DEXI: variants seen among roughly 807,000 people sequenced by gnomAD.
DEXI encodes dexamethasone-induced protein.
A neutral mutation model predicts 2.5 loss-of-function variants in DEXI; 2 were observed. That is an observed-to-expected ratio of 0.81 (90% CI 0.33 to 2.55). The LOEUF (loss-of-function observed/expected upper bound fraction) is 2.55. Among genes scored for constraint, DEXI ranks in the 30% most tolerant of loss-of-function variants. DEXI has a pLI of 0.11. For synonymous variants in DEXI, 71 were observed against 68.7 expected (o/e 1.03, Z -0.17); for missense variants, 108 against 130.3 (o/e 0.83, Z 0.83).
At chr16:10,931,596 C>G (rs1460969003) in intron 1 of DEXI, 1 of 152,234 alleles carries the variant, frequency 6.6e-6, no homozygotes, top group African/African-American at 2.4e-5. Flanking sequence ...GTAATCCCAA[C>G]ACTTTGGGAG....
Position 10,937,796 on chromosome 16 carries a change from C to T in DEXI, c.*149+3773G>A, listed in dbSNP as rs2041049633. ...GAGGGAGCTCCCGATTCCCCATTCC[C>T]TGCTCCTGGGCAACAATTAACACTC... On this transcript the variant is annotated intron_variant, in intron 1 of 1. Coordinates refer to ENST00000331808, the MANE Select transcript of DEXI (RefSeq NM_014015.4). This position sits in a 1 kb window ranked among gnomAD's most constrained non-coding sequence, Gnocchi z 4.2. 2 of 152,272 alleles carry T rather than the reference C, an allele frequency of 1.3e-5. No homozygotes were observed. The highest frequency in any genetic ancestry group is 2.4e-5 in the African/African-American group (1 of 41,462). The allele number at this position is 152,272 out of a possible 1,614,324, so 9.4% of individuals were successfully genotyped here.
At chr16:10,935,104 C>T (rs906857274) in intron 1 of DEXI, 8 of 152,246 alleles carry the variant, frequency 5.3e-5, no homozygotes, top group African/African-American at 1.9e-4. Flanking sequence ...TACTATTATC[C>T]CTGTTTTACA....
At chr16:10,935,988 A>AT (rs36044639) in intron 1 of DEXI, 65,613 of 145,776 alleles carry the variant, frequency 0.45, 16,208 homozygotes, top group East Asian at 0.66. Flanking sequence ...TACTGGGACA[A>AT]TTTTTTTTTT....
Position 10,940,626 on chromosome 16 carries a change from C to G in DEXI, c.*149+943G>C, listed in dbSNP as rs1335665543. On this transcript the variant is annotated intron_variant, in intron 1 of 1. Transcript: ENST00000331808. This position sits in a 1 kb window ranked among gnomAD's most constrained non-coding sequence, Gnocchi z 4.2. ...CTCACCAGACCTGGCAGCTGCCTGACAGCTTGTCTGGCTCACGTGTTCTCT... is the reference window on the plus strand; with the variant it reads ...CTCACCAGACCTGGCAGCTGCCTGAGAGCTTGTCTGGCTCACGTGTTCTCT... The G allele has an allele frequency of 6.6e-6, 1 of 152,532 alleles. No homozygotes were observed. Among genetic ancestry groups the G allele is most frequent in the Non-Finnish European group, 1.5e-5 (1 of 68,294 alleles). The allele number at this position is 152,532 out of a possible 1,614,324, so 9.4% of individuals were successfully genotyped here. A position where few individuals can be genotyped will look rare whatever the true frequency, so the allele number is the denominator to read the frequency against.
At chr16:10,935,920 G>T (rs1040811594) in intron 1 of DEXI, 2 of 152,102 alleles carry the variant, frequency 1.3e-5, no homozygotes, top group Non-Finnish European at 2.9e-5. Flanking sequence ...TAATGCAAAA[G>T]CTGATCTGGG....
At chr16:10,933,636 G>A (rs941212813) in intron 1 of DEXI, 3 of 152,268 alleles carry the variant, frequency 2.0e-5, no homozygotes, top group Admixed American at 2.0e-4. Context: ...AGTACAGGGT[G>A]GTTCCTTCCC....
rs780594681 is a variant in DEXI, at chr16:10,941,964, G to A, written c.42C>T (p.Gly14=). The A allele has an allele frequency of 1.3e-6, 2 of 1,560,090 alleles. No individual in the cohort carries two copies. The highest frequency in any genetic ancestry group is 1.9e-5 in the Admixed American group (1 of 51,666). The change falls in exon 1 of 2, where the codon GGC becomes GGT. Residue 14 remains glycine (G), a synonymous_variant. Transcript: ENST00000331808. The surrounding 1 kb of genome is among the most constrained non-coding windows in gnomAD (Gnocchi z 6.4). ...ARVAAHLDAL[G]PLVPYVPPPL... Reference sequence around the variant, plus strand: ...GCGGCGGCACGTAGGGGACCAGGGGGCCCAGTGCGTCCAGGTGGGCCGCGA... The same window carrying A: ...GCGGCGGCACGTAGGGGACCAGGGGACCCAGTGCGTCCAGGTGGGCCGCGA...
chr16:10,941,592 C>G lies in DEXI; in HGVS notation c.*126G>C. 6.8e-7 allele frequency: 1 copy of G among 1,472,728 alleles called. No individual in the cohort carries two copies. Among genetic ancestry groups the G allele is most frequent in the Non-Finnish European group, 9.0e-7 (1 of 1,112,418 alleles). 91.2% of individuals were successfully genotyped at this position (1,472,728 alleles called of 1,614,324 possible). A position where few individuals can be genotyped will look rare whatever the true frequency, so the allele number is the denominator to read the frequency against. On this transcript the variant is annotated 3_prime_UTR_variant, in exon 1 of 2. Transcript: ENST00000331808. This position sits in a 1 kb window ranked among gnomAD's most constrained non-coding sequence, Gnocchi z 6.4. ...ACAGGCCTCGGAGGCAGGGGAGGGT[C>G]TCCTCCTGGGGAACCATCCCCGTCC...
At chr16:10,936,496 A>G (rs2041025635) in intron 1 of DEXI, 1 of 152,254 alleles carries the variant, frequency 6.6e-6, no homozygotes. Flanking sequence ...AAGAGCATGC[A>G]CGTGTACATG....
Position 10,929,057 on chromosome 16 carries a change from T to C in DEXI, c.*652A>G. The C allele has an allele frequency of 3.5e-6, 1 of 288,084 alleles. No homozygotes were observed. The highest frequency in any genetic ancestry group is 5.2e-6 in the Non-Finnish European group (1 of 192,130). The allele number at this position is 288,084 out of a possible 1,614,324, so 17.8% of individuals were successfully genotyped here. On this transcript the variant is annotated 3_prime_UTR_variant, in exon 2 of 2. Coordinates refer to ENST00000331808, the MANE Select transcript of DEXI (RefSeq NM_014015.4). The surrounding 1 kb of genome is among the most constrained non-coding windows in gnomAD (Gnocchi z 4.3). Reference sequence around the variant, plus strand: ...CAGCATGATGTCTGTTTTGCCAACTTGCTGAAGAACGAGTAACCTGAAATG... The same window carrying C: ...CAGCATGATGTCTGTTTTGCCAACTCGCTGAAGAACGAGTAACCTGAAATG...
Position 10,942,124 on chromosome 16 carries a change from C to T in DEXI, c.-119G>A, listed in dbSNP as rs973393613. 1.4e-5 allele frequency: 10 copies of T among 717,998 alleles called. No individual in the cohort carries two copies. Among genetic ancestry groups the T allele is most frequent in the African/African-American group, 1.9e-5 (1 of 52,666 alleles). 44.5% of individuals were successfully genotyped at this position (717,998 alleles called of 1,614,324 possible). A position where few individuals can be genotyped will look rare whatever the true frequency, so the allele number is the denominator to read the frequency against. ...GGGGTACCCTGGAGCCCGACAGAAG[C>T]AGGGCCGGGCTCCAGATGTCCCCTG... On this transcript the variant is annotated 5_prime_UTR_variant, in exon 1 of 2. Coordinates refer to ENST00000331808, the MANE Select transcript of DEXI (RefSeq NM_014015.4). This position sits in a 1 kb window ranked among gnomAD's most constrained non-coding sequence, Gnocchi z 5.0.
Position 10,941,798 on chromosome 16 carries a change from G to C in DEXI, c.208C>G (p.Leu70Val). Reference protein sequence around the residue: ...PEDMDQALVDLGVLSDPGSGL... With the variant: ...PEDMDQALVDVGVLSDPGSGL... Reference sequence around the variant, plus strand: ...GAGCCGGGGTCGGAGAGCACGCCGAGGTCCACGAGCGCCTGGTCCATGTCC... The same window carrying C: ...GAGCCGGGGTCGGAGAGCACGCCGACGTCCACGAGCGCCTGGTCCATGTCC... The change falls in exon 1 of 2, where the codon CTC becomes GTC. Residue 70 changes from leucine (L) to valine (V), a missense_variant. Transcript: ENST00000331808. This position sits in a 1 kb window ranked among gnomAD's most constrained non-coding sequence, Gnocchi z 6.4. 6.2e-7 allele frequency: 1 copy of C among 1,613,694 alleles called. No homozygotes were observed. The highest frequency in any genetic ancestry group is 8.5e-7 in the Non-Finnish European group (1 of 1,179,850).
rs142045151 is a variant in DEXI, at chr16:10,941,716, C to A, written c.*2G>T. On this transcript the variant is annotated 3_prime_UTR_variant, in exon 1 of 2. Transcript: ENST00000331808. The surrounding 1 kb of genome is among the most constrained non-coding windows in gnomAD (Gnocchi z 6.4). Reference sequence around the variant, plus strand: ...GGGAAGAGGGGAACAGCAGTCGAGACCCTACTCCAAGTACGCATCAAAGAC... The same window carrying A: ...GGGAAGAGGGGAACAGCAGTCGAGAACCTACTCCAAGTACGCATCAAAGAC... 8 of 1,604,758 alleles carry A rather than the reference C, an allele frequency of 5.0e-6. No individual in the cohort carries two copies. The African/African-American group carries it at 1.1e-4, about 22-fold the overall frequency.
chr16:10,940,174 T>A lies in DEXI; in HGVS notation c.*149+1395A>T, dbSNP rs1168261587. ...CCCTGTACCACCATCTGCAACAGAC[T>A]CAATGTTTGTGTCTCCTCAAACTTC... is the stretch of plus-strand genomic sequence containing the variant. On this transcript the variant is annotated intron_variant, in intron 1 of 1. Coordinates refer to ENST00000331808, the MANE Select transcript of DEXI (RefSeq NM_014015.4). This position sits in a 1 kb window ranked among gnomAD's most constrained non-coding sequence, Gnocchi z 4.2. 2.6e-5 allele frequency: 4 copies of A among 152,256 alleles called. No individual in the cohort carries two copies. Among genetic ancestry groups the A allele is most frequent in the Admixed American group, 6.5e-5 (1 of 15,290 alleles). 9.4% of individuals were successfully genotyped at this position (152,256 alleles called of 1,614,324 possible). A position where few individuals can be genotyped will look rare whatever the true frequency, so the allele number is the denominator to read the frequency against.
At position 10,929,722 on chromosome 16, in the gene DEXI, C is replaced by T. The variant is rs1233334245; in HGVS notation, c.*150-163G>A. ...AGGGAACCACTGGGAGCCCCAGACT[C>T]AGGCTGAAAATGTCTTTCTGCAAAT... On this transcript the variant is annotated intron_variant, in intron 1 of 1. Coordinates refer to ENST00000331808, the MANE Select transcript of DEXI (RefSeq NM_014015.4). The surrounding 1 kb of genome is among the most constrained non-coding windows in gnomAD (Gnocchi z 4.3). 1 of 203,556 alleles carries T rather than the reference C, an allele frequency of 4.9e-6. No individual in the cohort carries two copies. Among genetic ancestry groups the T allele is most frequent in the Non-Finnish European group, 8.7e-6 (1 of 115,078 alleles). 12.6% of individuals were successfully genotyped at this position (203,556 alleles called of 1,614,324 possible).
chr16:10,941,949 G>C lies in DEXI; in HGVS notation c.57C>G (p.Tyr19Ter). ...HLDALGPLVP[Y>*]VPPPLLPSMF... is the part of the protein sequence containing the mutation. ...TAGAGGGCAGCAGCGGCGGCGGCACGTAGGGGACCAGGGGGCCCAGTGCGT... is the reference window on the plus strand; with the variant it reads ...TAGAGGGCAGCAGCGGCGGCGGCACCTAGGGGACCAGGGGGCCCAGTGCGT... The change falls in exon 1 of 2, where the codon TAC becomes TAG. Residue 19 changes from tyrosine (Y) to a stop codon, truncating the protein, a stop_gained. Transcript: ENST00000331808. LOFTEE classifies it high-confidence loss of function. The surrounding 1 kb of genome is among the most constrained non-coding windows in gnomAD (Gnocchi z 6.4). 1.9e-6 allele frequency: 3 copies of C among 1,575,672 alleles called. No individual in the cohort carries two copies. Among genetic ancestry groups the C allele is most frequent in the Non-Finnish European group, 1.7e-6 (2 of 1,161,754 alleles).
chr16:10,931,660 A>G (rs1325635151), intron 1 of DEXI: 1 of 152,220 alleles, frequency 6.6e-6, no homozygotes, highest in Non-Finnish European at 1.5e-5. Flanking sequence ...CCTGGCCAAC[A>G]TGGCGAAATG....
rs1267670079 is a variant in DEXI at position 10,941,464 on chromosome 16, CGGA to C, written c.*149+102_*149+104del. 4 of 1,164,888 alleles carry C rather than the reference CGGA, an allele frequency of 3.4e-6. No individual in the cohort carries two copies. Among genetic ancestry groups the C allele is most frequent in the Admixed American group, 3.6e-5 (1 of 27,692 alleles). The allele number at this position is 1,164,888 out of a possible 1,614,324, so 72.2% of individuals were successfully genotyped here. ...TCCAGTTAGACCTGGAGGAGGTGAA[CGGA>C]GGAGAAGCCTGAGGGAGGGGTGTGT... On this transcript the variant is annotated intron_variant, in intron 1 of 1. Coordinates refer to ENST00000331808, the MANE Select transcript of DEXI (RefSeq NM_014015.4). This position sits in a 1 kb window ranked among gnomAD's most constrained non-coding sequence, Gnocchi z 6.4.
chr16:10,935,378 T>G (rs2040984903), intron 1 of DEXI: 1 of 152,226 alleles, frequency 6.6e-6, no homozygotes, highest in Non-Finnish European at 1.5e-5. Flanking sequence ...TAATCTCTTT[T>G]TAACAAAGAA....
Sources: allele counts gnomAD v4.1 joint callset, GRCh38; gene constraint gnomAD v4.1.1; non-coding constraint Gnocchi (gnomAD v3.1); transcripts MANE v1.5; gene names NCBI Gene and HGNC (gene_info 2026-07-23, HGNC 2026-07-21).